GRB10: variants seen among roughly 807,000 people sequenced by gnomAD.
The protein encoded by GRB10 is growth factor receptor-bound protein 10.
Under a neutral mutation model 80.9 loss-of-function variants are expected in GRB10, and 20 were observed. The observed-to-expected ratio is 0.25, with a 90% confidence interval of 0.17 to 0.36. The LOEUF (loss-of-function observed/expected upper bound fraction) is 0.36. GRB10 is among the 10% of genes least tolerant of loss of function. GRB10 has a pLI of 1.00. For synonymous variants in GRB10, 291 were observed against 291.5 expected (o/e 1.00, Z 0.02); for missense variants, 548 against 747.7 (o/e 0.73, Z 3.12).
upstream of GRB10, among the ~76,000 whole-genome samples, chr7:50,785,679 C>A (rs1227300873): frequency 6.6e-6 from 1 of 152,266 alleles, no homozygotes; most frequent in African/African-American, 2.4e-5. Flanking sequence ...CAGGTTCCCT[C>A]CTTCCAGCCT....
At chr7:50,695,562 T>C (rs1400452956) in intron 5 of GRB10, among the ~76,000 whole-genome samples, 1 of 152,184 alleles carries the variant, frequency 6.6e-6, no homozygotes, top group African/African-American at 2.4e-5. Context: ...TGAGGTGTAA[T>C]GCTATTTGCT....
chr7:50,621,490 G>C (rs6972573), intron 8 of GRB10, among the ~76,000 whole-genome samples: 74 of 152,320 alleles, frequency 4.9e-4, no homozygotes, highest in African/African-American at 1.7e-3. Flanking sequence ...CAACGTGGCA[G>C]GTGACCCCTT....
chr7:50,714,436 T>G (rs973787324), intron 4 of GRB10, among the ~76,000 whole-genome samples: 9 of 152,112 alleles, frequency 5.9e-5, no homozygotes, highest in African/African-American at 2.2e-4. Flanking sequence ...GGTCAAGGTA[T>G]GCAGATCACG....
At chr7:50,684,267 C>CAAAAGAA (rs2061856953) in intron 5 of GRB10, among the ~76,000 whole-genome samples, 1 of 62,278 alleles carries the variant, frequency 1.6e-5, no homozygotes, top group South Asian at 8.5e-4. Flanking sequence ...CAATCATCAC[C>CAAAAGAA]AAAAAAAAAA....
intron 7 of GRB10, among the ~76,000 whole-genome samples, chr7:50,667,178 T>C (rs2059905487): frequency 6.6e-6 from 1 of 152,206 alleles, no homozygotes; most frequent in Admixed American, 6.5e-5. Context: ...ATCTCTACTT[T>C]TTCCTCCCGT....
chr7:50,720,218 C>T (rs71540258), intron 4 of GRB10, among the ~76,000 whole-genome samples: 11,974 of 152,194 alleles, frequency 0.079, 592 homozygotes, highest in East Asian at 0.17. Context: ...GAAAACCTCA[C>T]AAAAGTTAAA....
chr7:50,711,556 C>G (rs78800157), intron 4 of GRB10, among the ~76,000 whole-genome samples: 6,284 of 152,250 alleles, frequency 0.041, 448 homozygotes, highest in African/African-American at 0.14. Context: ...AACCGCAAGT[C>G]TATTAAGCTA....
chr7:50,788,817 G>A (rs2078798460), intron 1 of GRB10, among the ~76,000 whole-genome samples: 1 of 152,188 alleles, frequency 6.6e-6, no homozygotes, highest in African/African-American at 2.4e-5. Context: ...GTCCCAGCTA[G>A]GATAAGTGCC....
chr7:50,618,516 C>T (rs2051059008), intron 9 of GRB10, among the ~76,000 whole-genome samples: 1 of 152,216 alleles, frequency 6.6e-6, no homozygotes, highest in Non-Finnish European at 1.5e-5. Flanking sequence ...TGTTCTGCTG[C>T]ATTCCCCAAA....
At chr7:50,675,044 G>C (rs1038046171) in intron 5 of GRB10, among the ~76,000 whole-genome samples, 2 of 152,182 alleles carry the variant, frequency 1.3e-5, no homozygotes, top group Non-Finnish European at 2.9e-5. Context: ...TGAATCACAG[G>C]TGTCTCCCAG....
chr7:50,760,012 G>A (rs1248133061), intron 2 of GRB10, among the ~76,000 whole-genome samples: 1 of 152,192 alleles, frequency 6.6e-6, no homozygotes, highest in Non-Finnish European at 1.5e-5. Flanking sequence ...GGACCAACAG[G>A]CCCAATAATC....
At chr7:50,637,785 A>G (rs1338344926) in intron 7 of GRB10, among the ~76,000 whole-genome samples, 1 of 152,186 alleles carries the variant, frequency 6.6e-6, no homozygotes, top group African/African-American at 2.4e-5. Context: ...CAGAGGTATT[A>G]TATTACCTGA....
chr7:50,726,592 T>C (rs893641721), intron 4 of GRB10, among the ~76,000 whole-genome samples: 2 of 152,180 alleles, frequency 1.3e-5, no homozygotes, highest in African/African-American at 4.8e-5. Context: ...TATTTACTTA[T>C]CTGTCATATT....
chr7:50,662,405 C>T (rs1365541916), intron 7 of GRB10, among the ~76,000 whole-genome samples: 1 of 152,236 alleles, frequency 6.6e-6, no homozygotes, highest in African/African-American at 2.4e-5. Flanking sequence ...CTAAGCTCCT[C>T]CACTGCCTGC....
chr7:50,724,796 C>T (rs141684586), intron 4 of GRB10, among the ~76,000 whole-genome samples: 17 of 152,254 alleles, frequency 1.1e-4, no homozygotes, highest in South Asian at 4.2e-4. Flanking sequence ...CTGACAAGGC[C>T]AGAAGGGAGC....
At chr7:50,711,997 G>C (rs910749523) in intron 4 of GRB10, among the ~76,000 whole-genome samples, 30 of 152,010 alleles carry the variant, frequency 2.0e-4, no homozygotes, top group Admixed American at 2.6e-4. Context: ...GGCTGAATCA[G>C]AGAACATGTC....
chr7:50,739,431 CA>C (rs2071358294), intron 3 of GRB10, among the ~76,000 whole-genome samples: 1 of 152,088 alleles, frequency 6.6e-6, no homozygotes, highest in South Asian at 2.1e-4. Context: ...AAAAGATAGT[CA>C]AATAGACATC....
At chr7:50,786,664 G>A (rs1192747911), upstream of GRB10, among the ~76,000 whole-genome samples, 1 of 152,240 alleles carries the variant, frequency 6.6e-6, no homozygotes, top group African/African-American at 2.4e-5. Context: ...AACTGTGAGA[G>A]TAGATGGACA....
intron 5 of GRB10, among the ~76,000 whole-genome samples, chr7:50,679,830 G>C (rs1240712475): frequency 6.6e-6 from 1 of 152,158 alleles, no homozygotes; most frequent in Non-Finnish European, 1.5e-5. Flanking sequence ...TGAAGGTCAG[G>C]CTGCAAAAGT....
Sources: allele counts gnomAD v4.1 joint callset (sites outside exome capture counted in the v4.1 genomes callset), GRCh38; gene constraint gnomAD v4.1.1; transcripts MANE v1.5; gene names NCBI Gene and HGNC (gene_info 2026-07-23, HGNC 2026-07-21).